Variants in RSPH6A observed in about 807,000 individuals in gnomAD.
RSPH6A encodes radial spoke head protein 6 homolog A.
A neutral mutation model predicts 66.1 loss-of-function variants in RSPH6A; 49 were observed. The observed-to-expected ratio is 0.74, with a 90% CI of 0.59 to 0.94. The LOEUF (loss-of-function observed/expected upper bound fraction) is 0.94. Ranked by LOEUF, RSPH6A falls within the 40% of genes least tolerant of loss-of-function variation. The probability of loss-of-function intolerance (pLI) is 0.00; values close to 1 mark genes in which losing one functional copy is unlikely to be tolerated. For synonymous variants in RSPH6A, 419 were observed against 402.4 expected, an observed-to-expected ratio of 1.04 and a Z score of -0.49; for missense variants, 977 against 948.3, an observed-to-expected ratio of 1.03 and a Z score of -0.40.
intron 2 of RSPH6A, among the ~76,000 whole-genome samples, chr19:45,809,882 A>G (rs1034306310): frequency 9.9e-5 from 15 of 152,234 alleles, no homozygotes; most frequent in African/African-American, 3.6e-4. Context: ...AAACGAGAGA[A>G]ATAAGAGCCT....
chr19:45,814,157 T>C (rs1970666607), intron 1 of RSPH6A, among the ~76,000 whole-genome samples: 1 of 151,664 alleles, frequency 6.6e-6, no homozygotes, highest in Admixed American at 6.6e-5. Flanking sequence ...AGACTATGTC[T>C]GGGGGAAAAA....
chr19:45,806,299 G>A (rs960837625), intron 2 of RSPH6A, among the ~76,000 whole-genome samples: 1 of 151,974 alleles, frequency 6.6e-6, no homozygotes, highest in African/African-American at 2.4e-5. Flanking sequence ...AGGAAAAAGA[G>A]GAAGAAGGAA....
chr19:45,804,199 G>T lies in RSPH6A; in HGVS notation c.1653+53C>A. 6.9e-7 allele frequency: 1 copy of T among 1,443,620 alleles called. No homozygotes were observed. Among genetic ancestry groups the T allele is most frequent in the Non-Finnish European group, 9.5e-7 (1 of 1,051,140 alleles). 89.4% of individuals were successfully genotyped at this position (1,443,620 alleles called of 1,614,324 possible). On this transcript the variant is annotated intron_variant, in intron 3 of 5. Coordinates refer to ENST00000221538, the MANE Select transcript of RSPH6A (RefSeq NM_030785.4). The surrounding 1 kb of genome is among the most constrained non-coding windows in gnomAD (Gnocchi z 5.8). ...CTTGATGTCAGTATTGCAGGGTCAT[G>T]CGTGAGCCCCCTGCTCCTGCCGTTT... is the stretch of plus-strand genomic sequence containing the variant.
intron 5 of RSPH6A, among the ~76,000 whole-genome samples, chr19:45,796,874 C>G (rs1358421348): frequency 2.0e-5 from 3 of 152,000 alleles, no homozygotes; most frequent in African/African-American, 7.2e-5. Context: ...GTCTTGAACT[C>G]CTGACATCAA....
chr19:45,802,224 T>C lies in RSPH6A; in HGVS notation c.1694A>G (p.Glu565Gly), dbSNP rs766629769. The C allele has an allele frequency of 1.2e-5, 19 of 1,539,486 alleles. No homozygotes were observed. The East Asian group carries it at 4.5e-4, about 36-fold the overall frequency. Residue 565 changes from glutamate (E) to glycine (G), a missense_variant, in exon 4 of 6, where the codon GAG becomes GGG. Transcript: ENST00000221538. ...TWVNPLQKTE[E>G]EEDLGEEEEK... is the part of the protein sequence containing the mutation. Reference sequence around the variant, plus strand: ...TTCCTCCTCCCCCAGGTCCTCCTCCTCCTCTGTCTTCTGCAAAGGGTTCAC... The same window carrying C: ...TTCCTCCTCCCCCAGGTCCTCCTCCCCCTCTGTCTTCTGCAAAGGGTTCAC...
rs368262611 is a variant in RSPH6A at position 45,804,493 on chromosome 19, G to A, written c.1412C>T (p.Pro471Leu). 1 of 1,614,188 alleles carries A rather than the reference G, an allele frequency of 6.2e-7. No individual in the cohort carries two copies. The highest frequency in any genetic ancestry group is 8.5e-7 in the Non-Finnish European group (1 of 1,180,020). Residue 471 changes from proline (P) to leucine (L), a missense_variant, in exon 3 of 6, where the codon CCA becomes CTA. Coordinates refer to ENST00000221538, the MANE Select transcript of RSPH6A (RefSeq NM_030785.4). The surrounding 1 kb of genome is among the most constrained non-coding windows in gnomAD (Gnocchi z 5.8). ...GTTGGCCTCGTTGCCCGGGAAGGGT[G>A]GGTAGCTGACGACTGGCGTGTCCAG... ...GYLDTPVVSYPPFPGNEANYL... is the reference protein window; with the variant it reads ...GYLDTPVVSYLPFPGNEANYL...
intron 1 of RSPH6A, among the ~76,000 whole-genome samples, chr19:45,813,216 C>G (rs539053632): frequency 6.6e-6 from 1 of 152,278 alleles, no homozygotes; most frequent in Admixed American, 6.5e-5. Context: ...CAGCAAGCCT[C>G]AGAGCCTTTG....
chr19:45,814,807 G>A lies in RSPH6A; in HGVS notation c.370C>T (p.Gln124Ter), dbSNP rs200106454. 162 of 1,613,818 alleles carry A rather than the reference G, an allele frequency of 1.0e-4. 1 individual carries two copies. Among genetic ancestry groups the A allele is most frequent in the Middle Eastern group, 1.6e-4 (1 of 6,082 alleles). Residue 124 changes from glutamine to a stop codon, truncating the protein, a stop_gained, in exon 1 of 6, where the codon CAG becomes TAG. Coordinates refer to ENST00000221538, the MANE Select transcript of RSPH6A (RefSeq NM_030785.4). LOFTEE classifies it high-confidence loss of function. ...LTTSLMLQRL[Q>*]QGQSSLFQQL... ...TGGAACAGGCTGCTTTGGCCCTGCT[G>A]GAGCCGCTGCAGCATTAGGCTGGTG... is the stretch of plus-strand genomic sequence containing the variant.
rs556031651 is a variant in RSPH6A, at chr19:45,809,297, G to T, written c.888+1306C>A. 8.8e-4 allele frequency among the ~76,000 whole-genome samples: 104 copies of T among 118,538 alleles called. No homozygotes were observed. In the South Asian group the frequency reaches 0.015, roughly 18 times the overall value. 77.8% of individuals were successfully genotyped at this position (118,538 alleles called of 152,430 possible). The stretch of plus-strand genomic sequence containing the variant: ...ATTACAGGTGTGAGCCACTGCGCCT[G>T]GCCTTTTTTTTTTTTTTTTTTTTTT... On this transcript the variant is annotated intron_variant, in intron 2 of 5. Transcript: ENST00000221538.
At chr19:45,809,339 C>G (rs1970592110) in intron 2 of RSPH6A, among the ~76,000 whole-genome samples, 1 of 126,150 alleles carries the variant, frequency 7.9e-6, no homozygotes, top group Non-Finnish European at 1.6e-5. Flanking sequence ...GAGTCTCGCT[C>G]TGTCGCCCAG....
chr19:45,802,129 C>T lies in RSPH6A; in HGVS notation c.1789G>A (p.Glu597Lys). Residue 597 changes from glutamate to lysine, a missense_variant, in exon 4 of 6, where the codon GAA (glutamate) becomes AAA (lysine). Coordinates refer to ENST00000221538, the MANE Select transcript of RSPH6A (RefSeq NM_030785.4). ...VGPPLLTPLSEDAEIMHLAPW... is the reference protein window; with the variant it reads ...VGPPLLTPLSKDAEIMHLAPW... The stretch of plus-strand genomic sequence containing the variant: ...GAGAGGGCTTCCTTACCTGCATCTT[C>T]TGAAAGTGGCGTTAGCAGTGGGGGG... 6.5e-7 allele frequency: 1 copy of T among 1,533,292 alleles called. No individual in the cohort carries two copies. The highest frequency in any genetic ancestry group is 8.8e-7 in the Non-Finnish European group (1 of 1,131,992). 95.0% of individuals were successfully genotyped at this position (1,533,292 alleles called of 1,614,324 possible). A position where few individuals can be genotyped will look rare whatever the true frequency, so the allele number is the denominator to read the frequency against.
At position 45,804,253 on chromosome 19, in the gene RSPH6A, T is replaced by C. The variant is rs765257237; in HGVS notation, c.1652A>G (p.Gln551Arg). The part of the protein sequence containing the change: ...WVHHTQHILP[Q>R]GRCTWVNPLQ... ...AGAGGCGGGAGTCCCGGCGCTCACC[T>C]GCGGCAGGATGTGCTGTGTGTGATG... The change falls in exon 3 of 6, where the codon CAG (glutamine) becomes CGG (arginine). Residue 551 changes from glutamine (Q) to arginine (R), a missense_variant and splice_region_variant. By Grantham distance (43) the Gln-to-Arg change is conservative (BLOSUM62 1). Transcript: ENST00000221538. The surrounding 1 kb of genome is among the most constrained non-coding windows in gnomAD (Gnocchi z 5.8). 6.3e-7 allele frequency: 1 copy of C among 1,599,206 alleles called. No individual in the cohort carries two copies. Among genetic ancestry groups the C allele is most frequent in the South Asian group, 1.1e-5 (1 of 90,410 alleles).
At chr19:45,802,416 G>A (rs1970485115) in intron 3 of RSPH6A, 152 bp from the exon 4 acceptor site, 2 of 515,414 alleles carry the variant, frequency 3.9e-6, no homozygotes, top group Admixed American at 4.3e-5. Context: ...GCTAAGGGGA[G>A]GTGGGAAACG....
chr19:45,796,160 CTTTT>C (rs373732701), intron 5 of RSPH6A, 54 bp from the exon 6 acceptor site: 705 of 917,216 alleles, frequency 7.7e-4, no homozygotes, highest in South Asian at 1.4e-3. Flanking sequence ...CCAGACTTGA[CTTTT>C]TTTTTTTTTT....
At position 45,815,133 on chromosome 19, in the gene RSPH6A, G is replaced by T; in HGVS notation, c.44C>A (p.Pro15His). The T allele has an allele frequency of 6.2e-7, 1 of 1,611,242 alleles. No individual in the cohort carries two copies. The highest frequency in any genetic ancestry group is 1.7e-4 in the Middle Eastern group (1 of 5,822). The change falls in exon 1 of 6, where the codon CCT becomes CAT. Residue 15 changes from proline (P) to histidine (H), a missense_variant. By Grantham distance (77) the Pro-to-His change is moderately conservative (BLOSUM62 -2). Coordinates refer to ENST00000221538, the MANE Select transcript of RSPH6A (RefSeq NM_030785.4). ...GGCCTGAGAAGTCCTCCGGCCCGGA[G>T]GCTGCTGGGCAGGGCGCTCAGGGTA... is the stretch of plus-strand genomic sequence containing the variant. ...PPYPERPAQQ[P>H]PGRRTSQASQ...
intron 2 of RSPH6A, among the ~76,000 whole-genome samples, chr19:45,805,528 C>T (rs1219864855): frequency 6.6e-6 from 1 of 151,992 alleles, no homozygotes; most frequent in Non-Finnish European, 1.5e-5. Context: ...CCCGTCTCTA[C>T]AAAAAATACA....
In RSPH6A at chr19:45,795,782, A is replaced by C; in HGVS notation, c.*87T>G. On this transcript the variant is annotated 3_prime_UTR_variant, in exon 6 of 6. Coordinates refer to ENST00000221538, the MANE Select transcript of RSPH6A (RefSeq NM_030785.4). The stretch of plus-strand genomic sequence containing the variant: ...TCCCTGCCCTCTGGGGACAGGAAGC[A>C]CATAGTGAAAATATAATCCATGCTA... 1.7e-6 allele frequency: 2 copies of C among 1,207,454 alleles called. No homozygotes were observed. The highest frequency in any genetic ancestry group is 2.3e-6 in the Non-Finnish European group (2 of 861,002). 74.8% of individuals were successfully genotyped at this position (1,207,454 alleles called of 1,614,324 possible). A position where few individuals can be genotyped will look rare whatever the true frequency, so the allele number is the denominator to read the frequency against.
intron 2 of RSPH6A, among the ~76,000 whole-genome samples, chr19:45,805,336 G>A (rs1970530715): frequency 6.6e-6 from 1 of 152,158 alleles, no homozygotes; most frequent in Non-Finnish European, 1.5e-5. Flanking sequence ...GGCGGAGGTT[G>A]CAGTGAGCTG....
chr19:45,815,107 A>C lies in RSPH6A; in HGVS notation c.70T>G (p.Ser24Ala), dbSNP rs1006601814. ...QPPGRRTSQASQRRHSRDQAQ... is the reference protein window; with the variant it reads ...QPPGRRTSQAAQRRHSRDQAQ... Reference sequence around the variant, plus strand: ...TGGTCCCGACTGTGCCGCCTCTGGGAGGCCTGAGAAGTCCTCCGGCCCGGA... The same window carrying C: ...TGGTCCCGACTGTGCCGCCTCTGGGCGGCCTGAGAAGTCCTCCGGCCCGGA... The change falls in exon 1 of 6, where the codon TCC becomes GCC. Residue 24 changes from serine to alanine, a missense_variant. Physicochemically the swap from Ser to Ala is moderately conservative, Grantham distance 99. Coordinates refer to ENST00000221538, the MANE Select transcript of RSPH6A (RefSeq NM_030785.4). The C allele has an allele frequency of 6.2e-7, 1 of 1,612,642 alleles. No homozygotes were observed. The highest frequency in any genetic ancestry group is 8.5e-7 in the Non-Finnish European group (1 of 1,179,976).
Sources: allele counts gnomAD v4.1 joint callset (sites outside exome capture counted in the v4.1 genomes callset), GRCh38; gene constraint gnomAD v4.1.1; non-coding constraint Gnocchi (gnomAD v3.1); transcripts MANE v1.5; gene names NCBI Gene and HGNC (gene_info 2026-07-23, HGNC 2026-07-21).